Variants in OR1J2 observed in about 807,000 individuals in gnomAD.
OR1J2 encodes the protein olfactory receptor family 1 subfamily J member 2, also known as olfactory receptor 1J2.
For synonymous variants in OR1J2, 142 were observed against 99.7 expected, an observed-to-expected ratio of 1.42 and a Z score of -2.52; for missense variants, 304 against 246.1, an observed-to-expected ratio of 1.24 and a Z score of -1.57.
chr9:122,502,517 A>G, the OR1J2 span, among the ~76,000 whole-genome samples: 3 of 152,180 alleles, frequency 2.0e-5, no homozygotes, highest in Non-Finnish European at 4.4e-5. Flanking sequence ...AGGCCTTGGA[A>G]GATCATGGTT....
the OR1J2 span, among the ~76,000 whole-genome samples, chr9:122,520,480 TG>T: frequency 6.6e-6 from 1 of 152,224 alleles, no homozygotes; most frequent in African/African-American, 2.4e-5. Context: ...TTTTTATTGT[TG>T]TTGCTGATGG....
upstream of OR1J2, chr9:122,510,651 C>CG: frequency 3.5e-5 from 19 of 541,740 alleles, no homozygotes; most frequent in Non-Finnish European, 5.5e-5. Flanking sequence ...CTCTTCCTCC[C>CG]CACAGACCCC....
the OR1J2 span, among the ~76,000 whole-genome samples, chr9:122,564,313 TG>T: frequency 1.3e-5 from 2 of 152,156 alleles, no homozygotes; most frequent in Non-Finnish European, 2.9e-5. Context: ...AGTGCAACTG[TG>T]GTTATTTCTC....
downstream of OR1J2, among the ~76,000 whole-genome samples, chr9:122,512,839 T>C (rs1442038870): frequency 1.3e-5 from 2 of 152,218 alleles, no homozygotes; most frequent in Non-Finnish European, 2.9e-5. Context: ...ACTTTTCTAA[T>C]GTCACTCAAA....
At chr9:122,532,531 G>C in the OR1J2 span, among the ~76,000 whole-genome samples, 2 of 149,814 alleles carry the variant, frequency 1.3e-5, no homozygotes, top group South Asian at 2.1e-4. Flanking sequence ...ATTGAAGTCC[G>C]GGCCAGGAAC....
chr9:122,516,133 C>T (rs1021917728), downstream of OR1J2, among the ~76,000 whole-genome samples: 1 of 152,104 alleles, frequency 6.6e-6, no homozygotes, highest in South Asian at 2.1e-4. Context: ...TGCCCAAAGA[C>T]ATACAACTTT....
chr9:122,555,872 A>C, the OR1J2 span, among the ~76,000 whole-genome samples: 22 of 152,304 alleles, frequency 1.4e-4, no homozygotes, highest in East Asian at 4.2e-3. Flanking sequence ...GCCTCCACTG[A>C]CACATCATCA....
the OR1J2 span, among the ~76,000 whole-genome samples, chr9:122,499,538 G>A: frequency 5.9e-5 from 9 of 152,276 alleles, no homozygotes; most frequent in East Asian, 1.7e-3. Flanking sequence ...AGGCAACTCA[G>A]GTTGCTGGAT....
At chr9:122,558,644 A>T in the OR1J2 span, among the ~76,000 whole-genome samples, 3 of 151,592 alleles carry the variant, frequency 2.0e-5, no homozygotes, top group Admixed American at 6.6e-5. Context: ...GGTCCAAATT[A>T]TTAGGTTTGC....
downstream of OR1J2, among the ~76,000 whole-genome samples, chr9:122,515,022 A>C (rs1828679909): frequency 6.6e-6 from 1 of 152,104 alleles, no homozygotes; most frequent in African/African-American, 2.4e-5. Context: ...TCTCCTGGGG[A>C]GAGTAGGAGG....
At chr9:122,560,255 A>G in the OR1J2 span, among the ~76,000 whole-genome samples, 5 of 152,134 alleles carry the variant, frequency 3.3e-5, no homozygotes, top group African/African-American at 1.2e-4. Context: ...TGAATATAGC[A>G]CACCAATAGG....
the OR1J2 span, among the ~76,000 whole-genome samples, chr9:122,518,919 C>G: frequency 6.6e-6 from 1 of 152,208 alleles, no homozygotes; most frequent in Non-Finnish European, 1.5e-5. Flanking sequence ...CTGGTCTTCT[C>G]TTCTATTTCA....
chr9:122,506,701 T>C (rs1828527643), upstream of OR1J2, among the ~76,000 whole-genome samples: 1 of 151,736 alleles, frequency 6.6e-6, no homozygotes, highest in South Asian at 2.1e-4. Context: ...GCAGTTGGCA[T>C]GGGGAGAAGA....
the OR1J2 span, among the ~76,000 whole-genome samples, chr9:122,490,236 A>T: frequency 6.6e-6 from 1 of 152,186 alleles, no homozygotes. Flanking sequence ...GTAAGCATCT[A>T]GATTACTGGG....
chr9:122,460,141 T>C, the OR1J2 span, among the ~76,000 whole-genome samples: 1 of 151,676 alleles, frequency 6.6e-6, no homozygotes, highest in African/African-American at 2.4e-5. Flanking sequence ...TTTTTATGGC[T>C]GAGCAGTATT....
chr9:122,538,511 T>A, the OR1J2 span, among the ~76,000 whole-genome samples: 1 of 152,338 alleles, frequency 6.6e-6, no homozygotes, highest in East Asian at 1.9e-4. Context: ...AAGTCGCTTA[T>A]CAGATCGGTG....
At chr9:122,476,358 G>A in the OR1J2 span, among the ~76,000 whole-genome samples, 1 of 152,208 alleles carries the variant, frequency 6.6e-6, no homozygotes, top group Non-Finnish European at 1.5e-5. Context: ...TGAAGGGCCA[G>A]ACACATTTTA....
chr9:122,552,036 T>TACAC, the OR1J2 span, among the ~76,000 whole-genome samples: 362 of 123,978 alleles, frequency 2.9e-3, 2 homozygotes, highest in Middle Eastern at 0.013. Flanking sequence ...GTAGGACACA[T>TACAC]ACACACACAC....
chr9:122,477,436 G>T, the OR1J2 span: 1 of 1,614,012 alleles, frequency 6.2e-7, no homozygotes, highest in Non-Finnish European at 8.5e-7. Context: ...GGAAAGCTGG[G>T]CCAGGAGGAG....
Sources: allele counts gnomAD v4.1 joint callset (sites outside exome capture counted in the v4.1 genomes callset), GRCh38; gene constraint gnomAD v4.1.1; transcripts MANE v1.5; gene names NCBI Gene and HGNC (gene_info 2026-07-23, HGNC 2026-07-21).